The following PPP2R1A variants were observed in gnomAD, a reference collection of about 807,000 sequenced individuals.
The protein encoded by PPP2R1A is serine/threonine-protein phosphatase 2A 65 kDa regulatory subunit A alpha isoform.
Under a neutral mutation model 67.1 loss-of-function variants are expected in PPP2R1A, and 15 were observed. The ratio of observed to expected loss-of-function variants is 0.22; its 90% CI spans 0.15 to 0.34. The LOEUF (loss-of-function observed/expected upper bound fraction) is 0.34, where lower values mean the gene tolerates loss of function less well. Ranked by LOEUF, PPP2R1A falls within the 10% of genes least tolerant of loss-of-function variation. PPP2R1A has a pLI of 1.00. For synonymous variants in PPP2R1A, 337 were observed against 325.0 expected, an observed-to-expected ratio of 1.04 and a Z score of -0.40; for missense variants, 369 against 775.0, an observed-to-expected ratio of 0.48 and a Z score of 6.22.
chr19:52,226,254 C>A lies in PPP2R1A; in HGVS notation c.*273C>A, dbSNP rs1247618555. The A allele has an allele frequency of 2.0e-6, 1 of 509,076 alleles. No homozygotes were observed. Among genetic ancestry groups the A allele is most frequent in the African/African-American group, 1.9e-5 (1 of 51,960 alleles). The allele number at this position is 509,076 out of a possible 1,614,324, so 31.5% of individuals were successfully genotyped here. On this transcript the variant is annotated 3_prime_UTR_variant, in exon 15 of 15. Coordinates refer to ENST00000322088, the MANE Select transcript of PPP2R1A (RefSeq NM_014225.6). ...CCACGTCAGGGAGAGATGTGAGCAT[C>A]CCGGGTCACTGGATCCTGCTGCTGT...
Position 52,221,923 on chromosome 19 carries a change from A to ATGG in PPP2R1A, c.1519-173_1519-171dup, listed in dbSNP as rs113280687. On this transcript the variant is annotated intron_variant, in intron 12 of 14. Coordinates refer to ENST00000322088, the MANE Select transcript of PPP2R1A (RefSeq NM_014225.6). ...AGCCTGAGGACAGAGAAACTGGGAC[A>ATGG]TGGTGTTAGGATGGTGTTAGTGGAG... The ATGG allele has an allele frequency of 1.8e-3, 1,026 of 561,760 alleles. 10 individuals are homozygous for ATGG. Among genetic ancestry groups the ATGG allele is most frequent in the African/African-American group, 0.018 (899 of 51,158 alleles). 34.8% of individuals were successfully genotyped at this position (561,760 alleles called of 1,614,324 possible). A position where few individuals can be genotyped will look rare whatever the true frequency, so the allele number is the denominator to read the frequency against.
Position 52,219,119 on chromosome 19 carries a change from T to G in PPP2R1A, c.1129-572T>G, listed in dbSNP as rs967197765. On this transcript the variant is annotated intron_variant, in intron 9 of 14. Transcript: ENST00000322088. The surrounding 1 kb of genome is among the most constrained non-coding windows in gnomAD (Gnocchi z 4.0). Reference sequence around the variant, plus strand: ...TCTGAGCCTTCTCTTCTCATGCACATGTTCAGCAGCTTGAGGCTCACACAG... The same window carrying G: ...TCTGAGCCTTCTCTTCTCATGCACAGGTTCAGCAGCTTGAGGCTCACACAG... Among the ~76,000 whole-genome samples, 5 of 152,230 alleles carry G rather than the reference T, an allele frequency of 3.3e-5. No individual in the cohort carries two copies. Among genetic ancestry groups the G allele is most frequent in the Non-Finnish European group, 7.3e-5 (5 of 68,032 alleles).
At chr19:52,210,965 A>G (rs10420254) in intron 3 of PPP2R1A, among the ~76,000 whole-genome samples, 24,433 of 152,114 alleles carry the variant, frequency 0.16, 2,480 homozygotes, top group African/African-American at 0.29. Flanking sequence ...CTCAGAAAGC[A>G]ACGTGTGTAA....
rs545418273 is a variant in PPP2R1A at position 52,210,499 on chromosome 19, T to A, written c.271-761T>A. Among the ~76,000 whole-genome samples, 7 of 149,926 alleles carry A rather than the reference T, an allele frequency of 4.7e-5. No individual in the cohort carries two copies. The South Asian group carries it at 1.5e-3, about 32-fold the overall frequency. On this transcript the variant is annotated intron_variant, in intron 3 of 14. Coordinates refer to ENST00000322088, the MANE Select transcript of PPP2R1A (RefSeq NM_014225.6). ...GTTTTCTCTTCTTTTTTTTTTTTTT[T>A]TTTTTCTTTTTGAGACGGAGTCTCG... is the stretch of plus-strand genomic sequence containing the variant.
At chr19:52,222,467 C>A in intron 13 of PPP2R1A, 1 of 476,516 alleles carries the variant, frequency 2.1e-6, no homozygotes, top group Non-Finnish European at 3.5e-6. Context: ...TGTATACTAG[C>A]AACAAGTCAT....
At position 52,215,842 on chromosome 19, in the gene PPP2R1A, A is replaced by T. The variant is rs753529647; in HGVS notation, c.871A>T (p.Met291Leu). 1 of 1,614,004 alleles carries T rather than the reference A, an allele frequency of 6.2e-7. No individual in the cohort carries two copies. The highest frequency in any genetic ancestry group is 1.1e-5 in the South Asian group (1 of 91,074). ...TDLVPAFQNL[M>L]KDCEAEVRAA... The stretch of plus-strand genomic sequence containing the variant: ...CCTGGTCCCTGCCTTCCAGAACCTG[A>T]TGAAAGACTGTGAGGCCGAGGTGAG... The change falls in exon 7 of 15, where the codon ATG (methionine) becomes TTG (leucine). Residue 291 changes from methionine to leucine, a missense_variant. By Grantham distance (15) the Met-to-Leu change is conservative (BLOSUM62 2). Coordinates refer to ENST00000322088, the MANE Select transcript of PPP2R1A (RefSeq NM_014225.6).
In PPP2R1A at chr19:52,211,142, A is replaced by T. The variant is rs748392675; in HGVS notation, c.271-118A>T. 2.3e-6 allele frequency: 2 copies of T among 870,346 alleles called. No individual in the cohort carries two copies. The highest frequency in any genetic ancestry group is 3.5e-6 in the Non-Finnish European group (2 of 570,172). 53.9% of individuals were successfully genotyped at this position (870,346 alleles called of 1,614,324 possible). On this transcript the variant is annotated intron_variant, in intron 3 of 14. Transcript: ENST00000322088. The surrounding 1 kb of genome is among the most constrained non-coding windows in gnomAD (Gnocchi z 5.3). The stretch of plus-strand genomic sequence containing the variant: ...AAAGGCTATTTTAATGAAGGTCGGG[A>T]TGGGTAATAGGGAAGTTTTCTCTGA...
At chr19:52,191,675 C>G (rs574752517) in intron 1 of PPP2R1A, among the ~76,000 whole-genome samples, 1 of 152,280 alleles carries the variant, frequency 6.6e-6, no homozygotes, top group East Asian at 1.9e-4. Flanking sequence ...TTCCTCTTCT[C>G]TTTAATGGGG....
intron 1 of PPP2R1A, among the ~76,000 whole-genome samples, chr19:52,194,133 A>G (rs1042751263): frequency 1.3e-5 from 2 of 150,822 alleles, no homozygotes; most frequent in African/African-American, 4.9e-5. Context: ...AGACAGGTAC[A>G]GGGAATAGAG....
chr19:52,212,922 G>C lies in PPP2R1A; in HGVS notation c.652-33G>C, dbSNP rs1161718298. 2 of 1,570,682 alleles carry C rather than the reference G, an allele frequency of 1.3e-6. No individual in the cohort carries two copies. Among genetic ancestry groups the C allele is most frequent in the Non-Finnish European group, 1.7e-6 (2 of 1,157,380 alleles). On this transcript the variant is annotated intron_variant, in intron 5 of 14. Coordinates refer to ENST00000322088, the MANE Select transcript of PPP2R1A (RefSeq NM_014225.6). This position sits in a 1 kb window ranked among gnomAD's most constrained non-coding sequence, Gnocchi z 4.1. ...AATCCCAGAGCTCAGCAAGGCCTCT[G>C]CTGCCCTCCCACTGTTCCTCTCCTC...
chr19:52,205,725 TCA>T (rs2089595056), intron 2 of PPP2R1A, among the ~76,000 whole-genome samples: 1 of 152,168 alleles, frequency 6.6e-6, no homozygotes, highest in South Asian at 2.1e-4. Context: ...GTGGAATCAC[TCA>T]GTCAGTATTT....
intron 13 of PPP2R1A, among the ~76,000 whole-genome samples, chr19:52,222,909 G>A (rs952543591): frequency 3.3e-5 from 5 of 152,090 alleles, no homozygotes; most frequent in African/African-American, 9.7e-5. Flanking sequence ...TAATATTCAC[G>A]GATGGGACAG....
At chr19:52,190,372 G>A (rs1250766843) in intron 1 of PPP2R1A, 198 bp downstream of exon 1, 5 of 655,558 alleles carry the variant, frequency 7.6e-6, no homozygotes, top group Non-Finnish European at 1.3e-5. Flanking sequence ...GTGGAGGGCG[G>A]GGGCCAGCGC....
intron 2 of PPP2R1A, among the ~76,000 whole-genome samples, chr19:52,204,304 A>G (rs1485229109): frequency 1.3e-5 from 2 of 152,276 alleles, no homozygotes; most frequent in East Asian, 3.9e-4. Context: ...GAAATGAAAG[A>G]GTGTCGGGAT....
chr19:52,226,955 A>C lies in PPP2R1A; in HGVS notation c.*974A>C, dbSNP rs1979303114. 2.0e-5 allele frequency: 3 copies of C among 152,292 alleles called. No homozygotes were observed. The South Asian group carries it at 6.2e-4, about 32-fold the overall frequency. 9.4% of individuals were successfully genotyped at this position (152,292 alleles called of 1,614,324 possible). On this transcript the variant is annotated 3_prime_UTR_variant, in exon 15 of 15. Transcript: ENST00000322088. Reference sequence around the variant, plus strand: ...GGGCCATTTCCTGTGTTCTTGAAGAAGACTTGGGCTTGGACCCTGTCCCCA... The same window carrying C: ...GGGCCATTTCCTGTGTTCTTGAAGACGACTTGGGCTTGGACCCTGTCCCCA...
Position 52,212,659 on chromosome 19 carries a change from C to T in PPP2R1A, c.504-27C>T. 1 of 1,607,898 alleles carries T rather than the reference C, an allele frequency of 6.2e-7. No individual in the cohort carries two copies. Among genetic ancestry groups the T allele is most frequent in the Non-Finnish European group, 8.5e-7 (1 of 1,179,858 alleles). On this transcript the variant is annotated intron_variant, in intron 4 of 14. Transcript: ENST00000322088. The surrounding 1 kb of genome is among the most constrained non-coding windows in gnomAD (Gnocchi z 4.1). ...TCCTCTCTGCCATACTGCCTGCTGC[C>T]TCAGGATCCCCGTCCCCGACTCCCA...
In PPP2R1A at chr19:52,219,551, C is replaced by G; in HGVS notation, c.1129-140C>G. 1.2e-6 allele frequency: 1 copy of G among 820,280 alleles called. No individual in the cohort carries two copies. The highest frequency in any genetic ancestry group is 2.1e-5 in the South Asian group (1 of 47,026). 50.8% of individuals were successfully genotyped at this position (820,280 alleles called of 1,614,324 possible). A position where few individuals can be genotyped will look rare whatever the true frequency, so the allele number is the denominator to read the frequency against. On this transcript the variant is annotated intron_variant, in intron 9 of 14. Transcript: ENST00000322088. The surrounding 1 kb of genome is among the most constrained non-coding windows in gnomAD (Gnocchi z 4.0). ...CTTTTTGTGTGCCGTTAATGTGTTCCCAGAACGGGGAGCTGGGCTTGGACA... is the reference window on the plus strand; with the variant it reads ...CTTTTTGTGTGCCGTTAATGTGTTCGCAGAACGGGGAGCTGGGCTTGGACA...
chr19:52,228,387 C>T lies in PPP2R1A; in HGVS notation c.*2406C>T, dbSNP rs952593737. The T allele has an allele frequency of 6.6e-6, 1 of 152,142 alleles. No individual in the cohort carries two copies. The highest frequency in any genetic ancestry group is 2.4e-5 in the African/African-American group (1 of 41,406). The allele number at this position is 152,142 out of a possible 1,614,324, so 9.4% of individuals were successfully genotyped here. On this transcript the variant is annotated 3_prime_UTR_variant, in exon 15 of 15. Coordinates refer to ENST00000322088, the MANE Select transcript of PPP2R1A (RefSeq NM_014225.6). ...GGTCATGTGCTCTAGAAGCAGAGCC[C>T]GAGTGGAGACTCGTTCAAGTGTGTT...
chr19:52,224,467 G>C (rs1354552736), intron 13 of PPP2R1A, among the ~76,000 whole-genome samples: 1 of 152,168 alleles, frequency 6.6e-6, no homozygotes, highest in East Asian at 1.9e-4. Context: ...GGTGCCTCAT[G>C]GCAGAAATCA....
Sources: gnomAD v4.1 joint callset for allele counts (sites outside exome capture counted in the v4.1 genomes callset) on GRCh38, gnomAD v4.1.1 for gene constraint, Gnocchi (gnomAD v3.1) non-coding constraint, MANE v1.5 for transcripts, NCBI Gene and HGNC (gene_info 2026-07-23, HGNC 2026-07-21) for gene names.